Variants in METTL27 observed in about 807,000 individuals in gnomAD.
METTL27 encodes the protein methyltransferase-like protein 27.
A neutral mutation model predicts 24.5 loss-of-function variants in METTL27; 29 were observed. The ratio of observed to expected loss-of-function variants is 1.18; its 90% CI spans 0.88 to 1.61. The LOEUF (loss-of-function observed/expected upper bound fraction) is 1.61. METTL27 is among the 40% of genes most tolerant of loss of function. The pLI is 0.00. For synonymous variants in METTL27, 138 were observed against 146.8 expected (o/e 0.94, Z 0.43); for missense variants, 341 against 324.3 (o/e 1.05, Z -0.40).
Position 73,840,230 on chromosome 7 carries a change from C to T in METTL27, c.389-110G>A, listed in dbSNP as rs1788312717. Reference sequence around the variant, plus strand: ...GGTGGGACGAGGCTACTACCCGCATCTGCAGGACCCAGGTCCCCTAGAGGA... The same window carrying T: ...GGTGGGACGAGGCTACTACCCGCATTTGCAGGACCCAGGTCCCCTAGAGGA... On this transcript the variant is annotated intron_variant, in intron 4 of 5. Transcript: ENST00000297873. The T allele has an allele frequency of 2.7e-6, 4 of 1,455,094 alleles. No homozygotes were observed. The Admixed American group carries it at 6.8e-5, about 25-fold the overall frequency. 90.1% of individuals were successfully genotyped at this position (1,455,094 alleles called of 1,614,324 possible).
chr7:73,842,390 G>A (rs1788390938), intron 1 of METTL27, 100 bp downstream of exon 1: 1 of 528,678 alleles, frequency 1.9e-6, no homozygotes, highest in Non-Finnish European at 3.2e-6. Context: ...CTGGAGGAAG[G>A]ACCTATCTTC....
chr7:73,834,871 G>A lies in METTL27; in HGVS notation c.610C>T (p.Leu204=). ...GGTAGCCAGCTCCCAGCGGTCCACAGGCGGTCCACAGGCCAGGCCACCAGG... is the reference window on the plus strand; with the variant it reads ...GGTAGCCAGCTCCCAGCGGTCCACAAGCGGTCCACAGGCCAGGCCACCAGG... ...EGLVAWPVDR[L]WTAGSWLPPS... is the part of the protein sequence containing the mutation. The change falls in exon 6 of 6, where the codon CTG becomes TTG. Residue 204 remains leucine, a synonymous_variant. Coordinates refer to ENST00000297873, the MANE Select transcript of METTL27 (RefSeq NM_152559.3). The A allele has an allele frequency of 2.5e-6, 4 of 1,611,660 alleles. No homozygotes were observed. The highest frequency in any genetic ancestry group is 3.4e-6 in the Non-Finnish European group (4 of 1,178,272).
chr7:73,840,700 C>T, intron 3 of METTL27, 151 bp from the exon 4 acceptor site: 1 of 1,201,996 alleles, frequency 8.3e-7, no homozygotes, highest in Non-Finnish European at 1.1e-6. Context: ...TCTCTGTCGC[C>T]CAAACTGGAG....
chr7:73,837,401 A>C (rs991048085), intron 5 of METTL27, among the ~76,000 whole-genome samples: 1 of 149,186 alleles, frequency 6.7e-6, no homozygotes, highest in Non-Finnish European at 1.5e-5. Flanking sequence ...GGGACAAATA[A>C]ACACTGTAAC....
At chr7:73,837,938 C>T (rs1411010651) in intron 5 of METTL27, among the ~76,000 whole-genome samples, 6 of 151,942 alleles carry the variant, frequency 3.9e-5, no homozygotes, top group African/African-American at 1.5e-4. Context: ...TAGCCTCCAA[C>T]TCACGAGCTC....
At chr7:73,838,449 G>A (rs1256889558) in intron 5 of METTL27, among the ~76,000 whole-genome samples, 1 of 152,184 alleles carries the variant, frequency 6.6e-6, no homozygotes, top group Admixed American at 6.5e-5. Context: ...TAGTGTGCGT[G>A]CCCAGGGTGG....
rs782116945 is a variant in METTL27 at position 73,842,073 on chromosome 7, G to A, written c.68C>T (p.Pro23Leu). 1 of 1,614,036 alleles carries A rather than the reference G, an allele frequency of 6.2e-7. No homozygotes were observed. Among genetic ancestry groups the A allele is most frequent in the East Asian group, 2.2e-5 (1 of 44,864 alleles). Residue 23 changes from proline to leucine, a missense_variant, in exon 2 of 6, where the codon CCC becomes CTC. Transcript: ENST00000297873. ...RARVRAAHGI[P>L]DLAQKLHFYD... is the part of the protein sequence containing the mutation. ...GAAATGGAGCTTTTGGGCCAGGTCG[G>A]GGATGCCATGCGCGGCCCTGACCCG...
intron 2 of METTL27, among the ~76,000 whole-genome samples, chr7:73,841,713 G>A (rs1250485663): frequency 6.6e-6 from 1 of 152,024 alleles, no homozygotes; most frequent in Non-Finnish European, 1.5e-5. Context: ...CCTGACCTCA[G>A]GTGATCCGCC....
In METTL27 at chr7:73,835,019, G is replaced by C. The variant is rs782241788; in HGVS notation, c.479-17C>G. The C allele has an allele frequency of 6.3e-7, 1 of 1,597,386 alleles. No homozygotes were observed. The highest frequency in any genetic ancestry group is 1.1e-5 in the South Asian group (1 of 89,894). On this transcript the variant is annotated splice_polypyrimidine_tract_variant and intron_variant, in intron 5 of 5. Transcript: ENST00000297873. Reference sequence around the variant, plus strand: ...CCAGCCCACCTGGGGGAGAGGGGTAGGTGAGGTGGGGGAGGGGCAGGAGCC... The same window carrying C: ...CCAGCCCACCTGGGGGAGAGGGGTACGTGAGGTGGGGGAGGGGCAGGAGCC...
In METTL27 at chr7:73,834,746, C is replaced by G; in HGVS notation, c.735G>C (p.Lys245Asn). 1 of 1,613,578 alleles carries G rather than the reference C, an allele frequency of 6.2e-7. No homozygotes were observed. Among genetic ancestry groups the G allele is most frequent in the Non-Finnish European group, 8.5e-7 (1 of 1,179,696 alleles). Residue 245 changes from lysine (K) to asparagine (N), a missense_variant, in exon 6 of 6, where the codon AAG becomes AAC. By Grantham distance (94) the Lys-to-Asn change is moderately conservative. Coordinates refer to ENST00000297873, the MANE Select transcript of METTL27 (RefSeq NM_152559.3). ...TESGRRPRLR[K>N] ...GCTGGGGGCTGGGGGCTGGATCTCA[C>G]TTCCTCAACCTGGGTCGCCTTCCAC...
intron 3 of METTL27, 123 bp from the exon 4 acceptor site, chr7:73,840,672 T>A: frequency 7.3e-7 from 1 of 1,364,296 alleles, no homozygotes; most frequent in Non-Finnish European, 9.7e-7. Flanking sequence ...TTTTTTTAAA[T>A]TTTTGAGACA....
chr7:73,841,906 C>A lies in METTL27; in HGVS notation c.123+112G>T, dbSNP rs1199327688. ...AGGGGCAGGACTGTAGGGTTCTTAGCCAGGCCTCACTTCGTCCTCACAGCC... is the reference window on the plus strand; with the variant it reads ...AGGGGCAGGACTGTAGGGTTCTTAGACAGGCCTCACTTCGTCCTCACAGCC... On this transcript the variant is annotated intron_variant, in intron 2 of 5. Transcript: ENST00000297873. The A allele has an allele frequency of 6.4e-6, 10 of 1,552,966 alleles. No individual in the cohort carries two copies. The East Asian group carries it at 1.4e-4, about 22-fold the overall frequency.
chr7:73,841,958 A>C, intron 2 of METTL27, 60 bp downstream of exon 2: 12 of 1,612,788 alleles, frequency 7.4e-6, no homozygotes, highest in Non-Finnish European at 9.3e-6. Context: ...CTGATTCCCC[A>C]CTTTACAGGT....
intron 5 of METTL27, among the ~76,000 whole-genome samples, chr7:73,836,021 C>T (rs1317332323): frequency 4.2e-5 from 5 of 119,562 alleles, no homozygotes; most frequent in Admixed American, 1.7e-4. Flanking sequence ...GCCCGGCAGC[C>T]GCCCCGTCTG....
At chr7:73,836,401 G>A (rs1317835609) in intron 5 of METTL27, among the ~76,000 whole-genome samples, 4 of 146,288 alleles carry the variant, frequency 2.7e-5, no homozygotes, top group African/African-American at 1.0e-4. Flanking sequence ...CCGGGAGGGA[G>A]GTGGGGGGGT....
intron 5 of METTL27, among the ~76,000 whole-genome samples, chr7:73,836,490 A>G (rs1284766288): frequency 3.1e-5 from 4 of 129,526 alleles, no homozygotes; most frequent in African/African-American, 9.5e-5. Context: ...GGAAGTGAGG[A>G]GCCCCTCTGC....
In METTL27 at chr7:73,842,058, T is replaced by C. The variant is rs1563653978; in HGVS notation, c.83A>G (p.Lys28Arg). 6 of 1,613,938 alleles carry C rather than the reference T, an allele frequency of 3.7e-6. No individual in the cohort carries two copies. The highest frequency in any genetic ancestry group is 1.3e-5 in the African/African-American group (1 of 74,912). The change falls in exon 2 of 6, where the codon AAG becomes AGG. Residue 28 changes from lysine (K) to arginine (R), a missense_variant. Coordinates refer to ENST00000297873, the MANE Select transcript of METTL27 (RefSeq NM_152559.3). Reference sequence around the variant, plus strand: ...AGCCCAGCGGTCATAGAAATGGAGCTTTTGGGCCAGGTCGGGGATGCCATG... The same window carrying C: ...AGCCCAGCGGTCATAGAAATGGAGCCTTTGGGCCAGGTCGGGGATGCCATG... ...AAHGIPDLAQ[K>R]LHFYDRWAPD...
At chr7:73,837,231 A>G (rs1200543172) in intron 5 of METTL27, among the ~76,000 whole-genome samples, 5 of 143,632 alleles carry the variant, frequency 3.5e-5, no homozygotes, top group Non-Finnish European at 6.1e-5. Flanking sequence ...CTATTGTCCT[A>G]TGACCCTGCC....
In METTL27 at chr7:73,841,156, C is replaced by A; in HGVS notation, c.166G>T (p.Asp56Tyr). 1 of 1,548,452 alleles carries A rather than the reference C, an allele frequency of 6.5e-7. No homozygotes were observed. Among genetic ancestry groups the A allele is most frequent in the Non-Finnish European group, 8.6e-7 (1 of 1,156,618 alleles). Residue 56 changes from aspartate to tyrosine, a missense_variant, in exon 3 of 6, where the codon GAC becomes TAC. Transcript: ENST00000297873. ...LLYRAPRLAV[D>Y]CLTQALPGPP... The stretch of plus-strand genomic sequence containing the variant: ...CCTGGAAGGGCTTGTGTGAGGCAGT[C>A]CACTGCGAGGCGGGGCGCACGGTAC...
Sources: allele counts gnomAD v4.1 joint callset (sites outside exome capture counted in the v4.1 genomes callset), GRCh38; gene constraint gnomAD v4.1.1; transcripts MANE v1.5; gene names NCBI Gene and HGNC (gene_info 2026-07-23, HGNC 2026-07-21).